Variants in AURKA observed in about 807,000 individuals in gnomAD.
AURKA encodes aurora 2.
AURKA carries 12 observed loss-of-function variants against 40.9 expected under a neutral mutation model. That is an observed-to-expected ratio of 0.29 (90% CI 0.19 to 0.48). The LOEUF (loss-of-function observed/expected upper bound fraction) is 0.48, where lower values mean the gene tolerates loss of function less well. Ranked by LOEUF, AURKA falls within the 20% of genes least tolerant of loss-of-function variation. The probability of loss-of-function intolerance (pLI) is 0.99; values close to 1 mark genes in which losing one functional copy is unlikely to be tolerated. For missense variants in AURKA, 322 were observed against 462.1 expected, an observed-to-expected ratio of 0.70 and a Z score of 2.78; for synonymous variants, 170 against 164.3, an observed-to-expected ratio of 1.03 and a Z score of -0.26.
chr20:56,370,399 T>C lies in AURKA; in HGVS notation c.1030-59A>G, dbSNP rs184802186. The C allele has an allele frequency of 4.8e-4, 773 of 1,613,680 alleles. 1 individual carries two copies. The highest frequency in any genetic ancestry group is 6.0e-4 in the Non-Finnish European group (704 of 1,179,550). ...CACAGGTTAGAGAGATCAAATAGTATAGATGTTCGGATCTTGGCCTGCAGT... is the reference window on the plus strand; with the variant it reads ...CACAGGTTAGAGAGATCAAATAGTACAGATGTTCGGATCTTGGCCTGCAGT... On this transcript the variant is annotated intron_variant, in intron 8 of 8. Coordinates refer to ENST00000395915, the MANE Select transcript of AURKA (RefSeq NM_198437.3).
Position 56,381,591 on chromosome 20 carries a change from T to C in AURKA, c.567-20A>G, listed in dbSNP as rs140458817. On this transcript the variant is annotated intron_variant, in intron 5 of 8. Coordinates refer to ENST00000395915, the MANE Select transcript of AURKA (RefSeq NM_198437.3). ...GGATGCCTGCAACAAAGGATAAACA[T>C]TCTAACACTTGGTTTGGAGCTCACA... 1.9e-4 allele frequency: 304 copies of C among 1,612,760 alleles called. No homozygotes were observed. In the African/African-American group the frequency reaches 3.6e-3, roughly 19 times the overall value.
intron 6 of AURKA, among the ~76,000 whole-genome samples, chr20:56,379,227 C>T (rs1985369654): frequency 6.6e-6 from 1 of 152,064 alleles, no homozygotes; most frequent in African/African-American, 2.4e-5. Context: ...AAAGTTGGTT[C>T]CCACGTGGCA....
At chr20:56,381,888 G>A (rs541318871) in intron 5 of AURKA, among the ~76,000 whole-genome samples, 6 of 152,028 alleles carry the variant, frequency 3.9e-5, no homozygotes, top group Admixed American at 2.0e-4. Flanking sequence ...GGACATGGCC[G>A]GGCACAGTGG....
At chr20:56,391,050 C>T (rs1987039793) in intron 1 of AURKA, among the ~76,000 whole-genome samples, 1 of 152,164 alleles carries the variant, frequency 6.6e-6, no homozygotes, top group Non-Finnish European at 1.5e-5. Flanking sequence ...AAGGAGACTG[C>T]CCTTCAGGTG....
intron 6 of AURKA, among the ~76,000 whole-genome samples, chr20:56,374,623 T>TG (rs34584916): frequency 1.3e-5 from 2 of 151,998 alleles, no homozygotes; most frequent in Non-Finnish European, 2.9e-5. Flanking sequence ...TTAATAGAGA[T>TG]GGGGGTCTCA....
intron 1 of AURKA, among the ~76,000 whole-genome samples, chr20:56,391,196 C>T (rs764898045): frequency 6.6e-6 from 1 of 152,200 alleles, no homozygotes; most frequent in Non-Finnish European, 1.5e-5. Context: ...TTATTCCTTC[C>T]TCCCTCAGAC....
chr20:56,373,284 T>C lies in AURKA; in HGVS notation c.854+124A>G, dbSNP rs1318359622. 2.3e-6 allele frequency: 3 copies of C among 1,319,922 alleles called. No individual in the cohort carries two copies. In the Admixed American group the frequency reaches 5.3e-5, roughly 23 times the overall value. The allele number at this position is 1,319,922 out of a possible 1,614,324, so 81.8% of individuals were successfully genotyped here. A position where few individuals can be genotyped will look rare whatever the true frequency, so the allele number is the denominator to read the frequency against. ...TTAAGCCTAAATTACTCCAAAGTACTTCTGGGTTAGCCACCTACCCCTCTT... is the reference window on the plus strand; with the variant it reads ...TTAAGCCTAAATTACTCCAAAGTACCTCTGGGTTAGCCACCTACCCCTCTT... On this transcript the variant is annotated intron_variant, in intron 7 of 8. Coordinates refer to ENST00000395915, the MANE Select transcript of AURKA (RefSeq NM_198437.3). This position sits in a 1 kb window ranked among gnomAD's most constrained non-coding sequence, Gnocchi z 5.0.
rs571195747 is a variant in AURKA at position 56,381,422 on chromosome 20, T to C, written c.705+11A>G. 3.0e-5 allele frequency: 48 copies of C among 1,612,236 alleles called. No homozygotes were observed. The East Asian group carries it at 6.7e-4, about 22-fold the overall frequency. On this transcript the variant is annotated intron_variant, in intron 6 of 8. Transcript: ENST00000395915. ...AAACACAATTAGCCTGGACAATAAA[T>C]GAACACTTACAGTAGCAGTTCTCTG...
intron 2 of AURKA, among the ~76,000 whole-genome samples, chr20:56,387,696 T>C (rs922846776): frequency 6.6e-6 from 1 of 152,202 alleles, no homozygotes; most frequent in African/African-American, 2.4e-5. Context: ...CAAAGTCAGT[T>C]ACTCCTGAAA....
intron 6 of AURKA, among the ~76,000 whole-genome samples, chr20:56,375,604 A>G (rs1330577384): frequency 6.6e-6 from 1 of 152,204 alleles, no homozygotes; most frequent in Non-Finnish European, 1.5e-5. Flanking sequence ...AGTAAAAACC[A>G]AATGTCACTG....
At chr20:56,380,222 G>A (rs1041183582) in intron 6 of AURKA, among the ~76,000 whole-genome samples, 5 of 151,500 alleles carry the variant, frequency 3.3e-5, no homozygotes, top group African/African-American at 1.2e-4. Context: ...AGGTGTGGTG[G>A]TGGGTGCCTG....
At chr20:56,385,740 C>T (rs543886898) in intron 3 of AURKA, among the ~76,000 whole-genome samples, 8 of 152,268 alleles carry the variant, frequency 5.3e-5, no homozygotes, top group Admixed American at 3.3e-4. Flanking sequence ...GGATTACAGG[C>T]GTGAGCCACT....
intron 1 of AURKA, among the ~76,000 whole-genome samples, chr20:56,389,339 C>T (rs1317489363): frequency 2.0e-5 from 3 of 152,150 alleles, no homozygotes; most frequent in Non-Finnish European, 4.4e-5. Context: ...GACTGTCAGA[C>T]TTGGATATCC....
Position 56,370,191 on chromosome 20 carries a change from G to T in AURKA, c.1179C>A (p.Cys393Ter), listed in dbSNP as rs573740861. Residue 393 changes from cysteine to a stop codon, truncating the protein, a stop_gained, in exon 9 of 9, where the codon TGC becomes TGA. Coordinates refer to ENST00000395915, the MANE Select transcript of AURKA (RefSeq NM_198437.3). LOFTEE classifies it high-confidence loss of function. ...GTTTGCTAGCTGATTCTTTGTTTTG[G>T]CAATTTGATGGTTTTGATGAATTTG... ...ITANSSKPSN[C>*]QNKESASKQS 6.2e-7 allele frequency: 1 copy of T among 1,613,178 alleles called. No homozygotes were observed. The highest frequency in any genetic ancestry group is 8.5e-7 in the Non-Finnish European group (1 of 1,179,996).
At chr20:56,387,681 A>G (rs1986538474) in intron 2 of AURKA, among the ~76,000 whole-genome samples, 1 of 152,222 alleles carries the variant, frequency 6.6e-6, no homozygotes, top group South Asian at 2.1e-4. Context: ...TAAGACTTCC[A>G]AATACAAAGT....
At chr20:56,388,277 T>C (rs530681267) in intron 1 of AURKA, 75 bp from the exon 2 acceptor site, 5 of 1,334,468 alleles carry the variant, frequency 3.7e-6, no homozygotes, top group Admixed American at 1.7e-5. Flanking sequence ...TAGGCAGCGT[T>C]ACAGTTCCCC....
At chr20:56,391,868 CG>C (rs1220579105) in intron 1 of AURKA, 1 of 152,304 alleles carries the variant, frequency 6.6e-6, no homozygotes, top group African/African-American at 2.4e-5. Flanking sequence ...CAGGTGATCT[CG>C]GAGGACAAAA....
intron 6 of AURKA, among the ~76,000 whole-genome samples, chr20:56,378,945 A>G (rs555109631): frequency 6.6e-6 from 1 of 152,350 alleles, no homozygotes; most frequent in South Asian, 2.1e-4. Flanking sequence ...ACTATTCTCT[A>G]TATCATAATG....
intron 1 of AURKA, among the ~76,000 whole-genome samples, chr20:56,390,115 C>T (rs924883534): frequency 6.6e-6 from 1 of 152,150 alleles, no homozygotes. Flanking sequence ...ATAGACAGGC[C>T]TATTGAAGTC....
Sources: gnomAD v4.1 joint callset for allele counts (sites outside exome capture counted in the v4.1 genomes callset) on GRCh38, gnomAD v4.1.1 for gene constraint, Gnocchi (gnomAD v3.1) non-coding constraint, MANE v1.5 for transcripts, NCBI Gene and HGNC (gene_info 2026-07-23, HGNC 2026-07-21) for gene names.